Variants in PLCB1 observed in about 807,000 individuals in gnomAD.
PLCB1 encodes phospholipase C beta 1.
A neutral mutation model predicts 161.8 loss-of-function variants in PLCB1; 46 were observed. The observed-to-expected ratio is 0.28, with a 90% CI of 0.22 to 0.36. The LOEUF is 0.36. PLCB1 is among the 10% of genes least tolerant of loss of function. PLCB1 has a pLI of 1.00. For synonymous variants in PLCB1, 517 were observed against 503.7 expected, an observed-to-expected ratio of 1.03 and a Z score of -0.35; for missense variants, 1,016 against 1,472.5, an observed-to-expected ratio of 0.69 and a Z score of 5.07.
intron 3 of PLCB1, among the ~76,000 whole-genome samples, chr20:8,492,474 G>GTGTGTGTGTT (rs1233255432): frequency 6.6e-6 from 1 of 152,104 alleles, no homozygotes; most frequent in African/African-American, 2.4e-5. Flanking sequence ...TTTTCTCTGT[G>GTGTGTGTGTT]TGTGTGTGTT....
At chr20:8,842,875 A>G (rs999258400) in intron 31 of PLCB1, among the ~76,000 whole-genome samples, 2 of 152,166 alleles carry the variant, frequency 1.3e-5, no homozygotes. Flanking sequence ...GTGCTGGGCT[A>G]TCTGCCTGTG....
At chr20:8,311,763 G>A (rs1319236375) in intron 2 of PLCB1, among the ~76,000 whole-genome samples, 1 of 152,150 alleles carries the variant, frequency 6.6e-6, no homozygotes, top group African/African-American at 2.4e-5. Flanking sequence ...AGAGGCCAAG[G>A]AGGTGGTGGC....
At chr20:8,669,497 G>A (rs967300834) in intron 9 of PLCB1, among the ~76,000 whole-genome samples, 2 of 152,208 alleles carry the variant, frequency 1.3e-5, no homozygotes, top group African/African-American at 4.8e-5. Flanking sequence ...TTTGTGACCT[G>A]AATGGAAGCC....
At chr20:8,626,855 T>G (rs1988364177) in intron 3 of PLCB1, among the ~76,000 whole-genome samples, 1 of 152,258 alleles carries the variant, frequency 6.6e-6, no homozygotes, top group Non-Finnish European at 1.5e-5. Context: ...ATAAAACACC[T>G]TGTTATCAAG....
chr20:8,806,935 G>T (rs1568607170), intron 31 of PLCB1, among the ~76,000 whole-genome samples: 2 of 152,134 alleles, frequency 1.3e-5, no homozygotes, highest in African/African-American at 4.8e-5. Context: ...TAGATTCAGG[G>T]CGACTGCTTT....
intron 19 of PLCB1, among the ~76,000 whole-genome samples, chr20:8,736,584 C>T (rs1034531367): frequency 4.6e-5 from 7 of 152,178 alleles, no homozygotes; most frequent in Non-Finnish European, 5.9e-5. Flanking sequence ...GTTTAATTGA[C>T]TCACAGTTCT....
At chr20:8,399,348 A>G (rs189588005) in intron 3 of PLCB1, among the ~76,000 whole-genome samples, 3 of 152,250 alleles carry the variant, frequency 2.0e-5, no homozygotes, top group Admixed American at 6.5e-5. Context: ...TTAAAAGTCT[A>G]TCTTTTGTAC....
chr20:8,614,043 G>C (rs897472995), intron 3 of PLCB1, among the ~76,000 whole-genome samples: 1 of 152,042 alleles, frequency 6.6e-6, no homozygotes, highest in Non-Finnish European at 1.5e-5. Flanking sequence ...TACTTGAATA[G>C]GGGGATTATA....
At chr20:8,265,297 G>A (rs564470087) in intron 2 of PLCB1, among the ~76,000 whole-genome samples, 14 of 152,278 alleles carry the variant, frequency 9.2e-5, no homozygotes, top group African/African-American at 3.4e-4. Flanking sequence ...TCCTGAATCT[G>A]ACACATGAAA....
At chr20:8,807,561 G>GTT (rs544439207) in intron 31 of PLCB1, among the ~76,000 whole-genome samples, 1 of 142,926 alleles carries the variant, frequency 7.0e-6, no homozygotes. Context: ...AATGAATAGT[G>GTT]TTTTTTTTTT....
intron 3 of PLCB1, among the ~76,000 whole-genome samples, chr20:8,532,988 T>C (rs1009842423): frequency 5.3e-5 from 8 of 151,706 alleles, no homozygotes; most frequent in African/African-American, 1.7e-4. Flanking sequence ...GCATTAGGTA[T>C]ATCTCCTAAT....
rs978185234 is a variant in PLCB1, at chr20:8,737,118, G to T, written c.2134G>T (p.Ala712Ser). The part of the protein sequence containing the change: ...FGLPVDTRRK[A>S]FKTKTSQGNA... ...TTTGCCTGTGGATACAAGGAGGAAGGCATTTAAGACCAAAACATCCCAAGG... is the reference window on the plus strand; with the variant it reads ...TTTGCCTGTGGATACAAGGAGGAAGTCATTTAAGACCAAAACATCCCAAGG... The change falls in exon 20 of 32, where the codon GCA becomes TCA. Residue 712 changes from alanine (A) to serine (S), a missense_variant. By Grantham distance (99) the Ala-to-Ser change is moderately conservative. Coordinates refer to ENST00000338037, the MANE Select transcript of PLCB1 (RefSeq NM_015192.4). 1 of 1,613,600 alleles carries T rather than the reference G, an allele frequency of 6.2e-7. No individual in the cohort carries two copies. Among genetic ancestry groups the T allele is most frequent in the African/African-American group, 1.3e-5 (1 of 74,912 alleles).
intron 1 of PLCB1, among the ~76,000 whole-genome samples, chr20:8,142,562 T>G (rs562634651): frequency 1.3e-5 from 2 of 152,310 alleles, no homozygotes; most frequent in African/African-American, 4.8e-5. Flanking sequence ...TTTCTCATAT[T>G]CTAAATTTTA....
At chr20:8,230,907 G>A (rs1979993536) in intron 2 of PLCB1, among the ~76,000 whole-genome samples, 1 of 151,950 alleles carries the variant, frequency 6.6e-6, no homozygotes, top group Admixed American at 6.6e-5. Flanking sequence ...CCCAAACCAT[G>A]GTGCACCAGG....
intron 3 of PLCB1, among the ~76,000 whole-genome samples, chr20:8,475,020 CACACACACACACAG>C (rs1982213173): frequency 1.3e-5 from 2 of 151,754 alleles, no homozygotes; most frequent in Admixed American, 1.3e-4. Flanking sequence ...GACACACACA[CACACACACACACAG>C]ACACACACAC....
chr20:8,455,202 C>A (rs1464253636), intron 3 of PLCB1, among the ~76,000 whole-genome samples: 1 of 151,714 alleles, frequency 6.6e-6, no homozygotes, highest in Non-Finnish European at 1.5e-5. Context: ...GTGGCACACA[C>A]CTGTAATCCC....
At chr20:8,761,976 A>ACGG (rs1982057078) in intron 25 of PLCB1, among the ~76,000 whole-genome samples, 2 of 146,372 alleles carry the variant, frequency 1.4e-5, no homozygotes, top group Admixed American at 1.4e-4. Context: ...GGGGAGGCCA[A>ACGG]GGGGGGGGCG....
At chr20:8,813,857 A>G (rs938228240) in intron 31 of PLCB1, among the ~76,000 whole-genome samples, 4 of 152,180 alleles carry the variant, frequency 2.6e-5, no homozygotes, top group African/African-American at 9.7e-5. Context: ...AATGAATAAA[A>G]TCAAATATTC....
intron 3 of PLCB1, among the ~76,000 whole-genome samples, chr20:8,477,303 A>C (rs1156490370): frequency 6.6e-6 from 1 of 152,188 alleles, no homozygotes; most frequent in Non-Finnish European, 1.5e-5. Context: ...CTTAATTGTA[A>C]GGTATTAAAA....
Sources: allele counts gnomAD v4.1 joint callset (sites outside exome capture counted in the v4.1 genomes callset), GRCh38; gene constraint gnomAD v4.1.1; transcripts MANE v1.5; gene names NCBI Gene and HGNC (gene_info 2026-07-23, HGNC 2026-07-21).